CACNA2D3: variants seen among roughly 807,000 people sequenced by gnomAD.
CACNA2D3 encodes voltage-dependent calcium channel subunit alpha-2/delta-3.
In CACNA2D3, 60 loss-of-function variants were observed where a neutral mutation model predicts 160.6. The observed-to-expected ratio is 0.37, with a 90% CI of 0.30 to 0.46. CACNA2D3 has a LOEUF of 0.46. Ranked by LOEUF, CACNA2D3 falls within the 20% of genes least tolerant of loss-of-function variation. The pLI is 1.00. For synonymous variants in CACNA2D3, 558 were observed against 492.9 expected (o/e 1.13, Z -1.75); for missense variants, 1,205 against 1,365.0 (o/e 0.88, Z 1.85).
intron 10 of CACNA2D3, among the ~76,000 whole-genome samples, chr3:54,635,752 A>G (rs2106832555): frequency 6.6e-6 from 1 of 151,890 alleles, no homozygotes. Context: ...TAAGGGATAT[A>G]AAGGTTTCAC....
intron 17 of CACNA2D3, among the ~76,000 whole-genome samples, chr3:54,870,734 C>T (rs1699506423): frequency 6.6e-6 from 1 of 152,174 alleles, no homozygotes; most frequent in African/African-American, 2.4e-5. Context: ...GCCATTACAT[C>T]TGGCTATGAT....
intron 3 of CACNA2D3, among the ~76,000 whole-genome samples, chr3:54,369,210 C>T (rs762710765): frequency 3.8e-4 from 58 of 151,320 alleles, no homozygotes; most frequent in Non-Finnish European, 6.8e-4. Flanking sequence ...GGAGCATTGT[C>T]CTCTTAAACA....
chr3:54,744,872 G>A (rs150825699), intron 11 of CACNA2D3, among the ~76,000 whole-genome samples: 4 of 152,330 alleles, frequency 2.6e-5, no homozygotes, highest in African/African-American at 9.6e-5. Context: ...AGGTGGGTGG[G>A]TGGAGGATCC....
At chr3:54,393,422 G>A (rs964374154) in intron 4 of CACNA2D3, among the ~76,000 whole-genome samples, 2 of 152,170 alleles carry the variant, frequency 1.3e-5, no homozygotes, top group African/African-American at 4.8e-5. Context: ...TCTGGCTCTG[G>A]TGCAGTTAGC....
chr3:55,073,634 G>C, intron 36 of CACNA2D3, 77 bp downstream of exon 36: 11 of 1,327,060 alleles, frequency 8.3e-6, no homozygotes, highest in Non-Finnish European at 1.2e-5. Flanking sequence ...ACCTGGGGGA[G>C]AAATATTAGA....
chr3:54,582,903 C>G (rs988829966), intron 9 of CACNA2D3, among the ~76,000 whole-genome samples: 7 of 152,158 alleles, frequency 4.6e-5, no homozygotes, highest in Non-Finnish European at 8.8e-5. Context: ...GTGAAAAATA[C>G]ACTAGAGTTA....
chr3:54,584,627 G>T (rs530455292), intron 9 of CACNA2D3, among the ~76,000 whole-genome samples: 2 of 152,276 alleles, frequency 1.3e-5, no homozygotes, highest in South Asian at 4.1e-4. Context: ...AAGATGTATT[G>T]TCTGGAAACT....
At chr3:54,364,985 T>G (rs1340493482) in intron 3 of CACNA2D3, among the ~76,000 whole-genome samples, 1 of 152,248 alleles carries the variant, frequency 6.6e-6, no homozygotes, top group Non-Finnish European at 1.5e-5. Context: ...AAGACAAATT[T>G]TATGCTCTTT....
chr3:54,268,230 T>C (rs901696676), intron 2 of CACNA2D3, among the ~76,000 whole-genome samples: 3 of 152,178 alleles, frequency 2.0e-5, no homozygotes, highest in Non-Finnish European at 4.4e-5. Flanking sequence ...TTGTCTGTTC[T>C]GGGTCATACA....
intron 2 of CACNA2D3, among the ~76,000 whole-genome samples, chr3:54,242,527 C>T (rs1008270726): frequency 3.3e-5 from 5 of 152,042 alleles, no homozygotes; most frequent in African/African-American, 1.2e-4. Flanking sequence ...CACTCTTGTA[C>T]TTTGGGGTCA....
At chr3:54,831,617 A>G (rs1703879466) in intron 14 of CACNA2D3, among the ~76,000 whole-genome samples, 1 of 152,198 alleles carries the variant, frequency 6.6e-6, no homozygotes, top group Admixed American at 6.5e-5. Context: ...CATTACCATC[A>G]GTATTTGGGT....
chr3:54,978,586 C>T (rs28785330), intron 29 of CACNA2D3, among the ~76,000 whole-genome samples: 29,783 of 152,156 alleles, frequency 0.2, 2,997 homozygotes, highest in East Asian at 0.29. Flanking sequence ...ACAATAGCAA[C>T]GTATTCCAAA....
chr3:54,668,882 C>T (rs1470760133), intron 11 of CACNA2D3, among the ~76,000 whole-genome samples: 2 of 152,250 alleles, frequency 1.3e-5, no homozygotes, highest in Non-Finnish European at 2.9e-5. Context: ...CAAGTGCCTT[C>T]TGTGAGATAG....
chr3:54,536,901 T>C (rs772604319), intron 5 of CACNA2D3, among the ~76,000 whole-genome samples: 4 of 152,208 alleles, frequency 2.6e-5, no homozygotes, highest in Non-Finnish European at 4.4e-5. Context: ...TCCCTTCCCC[T>C]TTCCCACTTG....
At chr3:54,573,928 AG>A (rs1247452178) in intron 8 of CACNA2D3, among the ~76,000 whole-genome samples, 1 of 152,106 alleles carries the variant, frequency 6.6e-6, no homozygotes, top group African/African-American at 2.4e-5. Flanking sequence ...AATATGGTGT[AG>A]GTTTTCCCTC....
At chr3:54,882,844 A>G (rs1305901770) in intron 21 of CACNA2D3, among the ~76,000 whole-genome samples, 2 of 152,216 alleles carry the variant, frequency 1.3e-5, no homozygotes, top group African/African-American at 2.4e-5. Flanking sequence ...ATAACTGCCT[A>G]CAGAATGTGG....
In CACNA2D3 at chr3:54,719,632, C is replaced by CT. The variant is rs147106921; in HGVS notation, c.1168-32960dup. Reference sequence around the variant, plus strand: ...TTCCTTTTTGTAATGCTGTTTTCAGCTTTTTTTATTAGGGTATGCTGGCCT... The same window carrying CT: ...TTCCTTTTTGTAATGCTGTTTTCAGCTTTTTTTTATTAGGGTATGCTGGCCT... On this transcript the variant is annotated intron_variant, in intron 11 of 37. Transcript: ENST00000474759. Among the ~76,000 whole-genome samples, 1,457 of 151,986 alleles carry CT rather than the reference C, an allele frequency of 9.6e-3. 36 individuals are homozygous for CT. Among genetic ancestry groups the CT allele is most frequent in the African/African-American group, 0.033 (1,388 of 41,526 alleles).
At chr3:54,260,681 G>A (rs1430780989) in intron 2 of CACNA2D3, among the ~76,000 whole-genome samples, 3 of 151,910 alleles carry the variant, frequency 2.0e-5, no homozygotes, top group South Asian at 2.1e-4. Flanking sequence ...ACTATTCTCC[G>A]TAGTGCTCAA....
At chr3:54,602,576 G>A (rs759711425) in intron 9 of CACNA2D3, among the ~76,000 whole-genome samples, 18 of 151,252 alleles carry the variant, frequency 1.2e-4, no homozygotes, top group Non-Finnish European at 2.5e-4. Context: ...GGCAGAGGCC[G>A]TCTGAGCACA....
Sources: allele counts gnomAD v4.1 joint callset (sites outside exome capture counted in the v4.1 genomes callset), GRCh38; gene constraint gnomAD v4.1.1; transcripts MANE v1.5; gene names NCBI Gene and HGNC (gene_info 2026-07-23, HGNC 2026-07-21).